MACROD2: variants seen among roughly 807,000 people sequenced by gnomAD.
The protein encoded by MACROD2 is mono-ADP ribosylhydrolase 2, also known as ADP-ribose glycohydrolase MACROD2.
Under a neutral mutation model 70.4 loss-of-function variants are expected in MACROD2, and 36 were observed. That is an observed-to-expected ratio of 0.51 (90% CI 0.39 to 0.68). MACROD2 has a LOEUF of 0.68. Among genes scored for constraint, MACROD2 ranks in the 30% least tolerant of loss-of-function variants. The pLI, the probability that MACROD2 is intolerant of heterozygous loss-of-function variation, is 0.00. For missense variants in MACROD2, 496 were observed against 538.4 expected, an observed-to-expected ratio of 0.92 and a Z score of 0.78; for synonymous variants, 172 against 178.8, an observed-to-expected ratio of 0.96 and a Z score of 0.30.
chr20:14,842,255 G>A (rs556558547), intron 5 of MACROD2, among the ~76,000 whole-genome samples: 35 of 152,134 alleles, frequency 2.3e-4, no homozygotes, highest in African/African-American at 7.7e-4. Context: ...ATCCATTCAG[G>A]AGGGTGCTGC....
chr20:14,800,923 A>AAC, intron 5 of MACROD2, among the ~76,000 whole-genome samples: 1 of 152,110 alleles, frequency 6.6e-6, no homozygotes, highest in Non-Finnish European at 1.5e-5. Context: ...AATCTGCCAC[A>AAC]ACAGTCAATG....
chr20:15,286,399 A>G (rs2077491786), intron 6 of MACROD2, among the ~76,000 whole-genome samples: 1 of 149,170 alleles, frequency 6.7e-6, no homozygotes, highest in South Asian at 2.1e-4. Context: ...TTATCATATC[A>G]TGTCTTTAGT....
chr20:15,999,401 T>A (rs1374196010), intron 15 of MACROD2, among the ~76,000 whole-genome samples: 1 of 152,238 alleles, frequency 6.6e-6, no homozygotes, highest in Non-Finnish European at 1.5e-5. Context: ...TAACATATGA[T>A]CTATCCTAGG....
chr20:14,530,520 A>G (rs1033917013), intron 4 of MACROD2, among the ~76,000 whole-genome samples: 1 of 152,172 alleles, frequency 6.6e-6, no homozygotes, highest in Non-Finnish European at 1.5e-5. Flanking sequence ...GCTTACATTC[A>G]TGTTATATTC....
At chr20:15,675,595 G>A (rs1323098961) in intron 8 of MACROD2, among the ~76,000 whole-genome samples, 1 of 152,066 alleles carries the variant, frequency 6.6e-6, no homozygotes, top group Non-Finnish European at 1.5e-5. Context: ...AATGTTGGAG[G>A]AATTACCATA....
chr20:14,820,357 C>CTTTTTTTTTTT (rs11475238), intron 5 of MACROD2, among the ~76,000 whole-genome samples: 51 of 116,092 alleles, frequency 4.4e-4, no homozygotes, highest in Non-Finnish European at 5.8e-4. Flanking sequence ...ATTTTTCTTC[C>CTTTTTTTTTTT]TTTTTTTTTT....
intron 5 of MACROD2, among the ~76,000 whole-genome samples, chr20:14,793,021 A>T (rs2072468255): frequency 1.3e-5 from 2 of 151,994 alleles, no homozygotes; most frequent in East Asian, 3.9e-4. Flanking sequence ...TTTTTACATG[A>T]TTCTATCTTG....
chr20:16,023,937 G>C (rs1329614997), intron 15 of MACROD2, among the ~76,000 whole-genome samples: 1 of 152,152 alleles, frequency 6.6e-6, no homozygotes, highest in Non-Finnish European at 1.5e-5. Context: ...GCTTTTGGTG[G>C]AGAAGTAGAA....
chr20:14,795,264 T>C (rs2072497216), intron 5 of MACROD2, among the ~76,000 whole-genome samples: 1 of 152,116 alleles, frequency 6.6e-6, no homozygotes, highest in African/African-American at 2.4e-5. Flanking sequence ...GTCACTCTGT[T>C]GACTGCAGAG....
intron 5 of MACROD2, among the ~76,000 whole-genome samples, chr20:15,166,343 A>T (rs1657964): frequency 6.6e-6 from 1 of 151,956 alleles, no homozygotes; most frequent in South Asian, 2.1e-4. Context: ...GAATGCCCTT[A>T]TGAAAGAGAC....
intron 6 of MACROD2, among the ~76,000 whole-genome samples, chr20:15,358,033 C>T (rs2078309112): frequency 6.6e-6 from 1 of 152,070 alleles, no homozygotes; most frequent in African/African-American, 2.4e-5. Flanking sequence ...TGGTCTCTAT[C>T]TCCTGACCGC....
At chr20:13,996,730 T>A (rs769101235) in intron 1 of MACROD2, among the ~76,000 whole-genome samples, 5 of 152,200 alleles carry the variant, frequency 3.3e-5, no homozygotes, top group Non-Finnish European at 5.9e-5. Flanking sequence ...TTCACCCTCC[T>A]TTTCACACCT....
chr20:15,355,875 G>T (rs1043249128), intron 6 of MACROD2, among the ~76,000 whole-genome samples: 11 of 152,090 alleles, frequency 7.2e-5, no homozygotes, highest in African/African-American at 2.4e-4. Context: ...GCAAGCATTA[G>T]GCCCCTATAA....
intron 3 of MACROD2, among the ~76,000 whole-genome samples, chr20:14,172,741 A>G (rs962769922): frequency 2.0e-5 from 3 of 152,096 alleles, no homozygotes; most frequent in East Asian, 1.9e-4. Context: ...TTTTCGTCTT[A>G]TAGGTCCTTT....
intron 6 of MACROD2, among the ~76,000 whole-genome samples, chr20:15,403,951 AGC>A (rs2045964526): frequency 1.3e-5 from 2 of 152,212 alleles, no homozygotes; most frequent in African/African-American, 2.4e-5. Context: ...AAAGCAATAG[AGC>A]AAGAGGAGTA....
intron 9 of MACROD2, among the ~76,000 whole-genome samples, chr20:15,865,191 A>G (rs1181975788): frequency 1.3e-5 from 2 of 152,114 alleles, no homozygotes; most frequent in African/African-American, 4.8e-5. Flanking sequence ...GGGGTACTTT[A>G]ATCCCATGTC....
chr20:14,583,846 T>C (rs745785442), intron 4 of MACROD2, among the ~76,000 whole-genome samples: 1 of 151,970 alleles, frequency 6.6e-6, no homozygotes, highest in Non-Finnish European at 1.5e-5. Context: ...AGAGACAGAG[T>C]GAACAGACCT....
chr20:14,144,897 TTC>T (rs2054925981), intron 3 of MACROD2, among the ~76,000 whole-genome samples: 2 of 152,184 alleles, frequency 1.3e-5, no homozygotes, highest in African/African-American at 4.8e-5. Flanking sequence ...TTCTGTAGAT[TTC>T]TCTCAGGGCT....
chr20:15,823,798 C>A (rs550031866), intron 8 of MACROD2, among the ~76,000 whole-genome samples: 40 of 152,206 alleles, frequency 2.6e-4, no homozygotes, highest in African/African-American at 8.4e-4. Context: ...GGGGCCATGG[C>A]TTATAGTGAA....
Sources: allele counts gnomAD v4.1 joint callset (sites outside exome capture counted in the v4.1 genomes callset), GRCh38; gene constraint gnomAD v4.1.1; transcripts MANE v1.5; gene names NCBI Gene and HGNC (gene_info 2026-07-23, HGNC 2026-07-21).